RPS3: variants seen among roughly 807,000 people sequenced by gnomAD.
RPS3 encodes the protein ribosomal protein S3, also known as small ribosomal subunit protein uS3.
In RPS3, 2 loss-of-function variants were observed where a neutral mutation model predicts 25.8. The ratio of observed to expected loss-of-function variants is 0.08; its 90% confidence interval spans 0.03 to 0.24. The LOEUF is 0.24. Ranked by LOEUF, RPS3 falls within the 10% of genes least tolerant of loss-of-function variation. The pLI is 1.00. For synonymous variants in RPS3, 114 were observed against 114.2 expected (o/e 1.00, Z 0.01); for missense variants, 107 against 307.1 (o/e 0.35, Z 4.87).
At chr11:75,410,235 G>A (rs1222135357), downstream of RPS3, among the ~76,000 whole-genome samples, 1 of 151,728 alleles carries the variant, frequency 6.6e-6, no homozygotes, top group Non-Finnish European at 1.5e-5. Flanking sequence ...TCCCAGACGG[G>A]GTGGCTGCTG....
rs745637925 is a variant in RPS3, at chr11:75,399,542, G to A, written c.-6G>A. On this transcript the variant is annotated 5_prime_UTR_variant, in exon 1 of 7. Transcript: ENST00000531188. Reference sequence around the variant, plus strand: ...TCCTTTCCTTTCAGCGGAGCGCGGCGGCAAGATGGCAGTGCAAATATCCAA... The same window carrying A: ...TCCTTTCCTTTCAGCGGAGCGCGGCAGCAAGATGGCAGTGCAAATATCCAA... 2.5e-6 allele frequency: 4 copies of A among 1,613,942 alleles called. No individual in the cohort carries two copies. The highest frequency in any genetic ancestry group is 3.3e-5 in the Admixed American group (2 of 60,018).
At position 75,406,292 on chromosome 11, in the gene RPS3, T is replaced by C. The variant is rs1268262368; in HGVS notation, c.*682T>C. ...TTGAAGTATTTTCTACCAGTGTCTG[T>C]ACTTCACAAGAAATTCGGCACTATT... On this transcript the variant is annotated 3_prime_UTR_variant, in exon 7 of 7. Transcript: ENST00000531188. 1 of 152,248 alleles carries C rather than the reference T, an allele frequency of 6.6e-6. No homozygotes were observed. The highest frequency in any genetic ancestry group is 1.5e-5 in the Non-Finnish European group (1 of 68,040). 9.4% of individuals were successfully genotyped at this position (152,248 alleles called of 1,614,324 possible). A position where few individuals can be genotyped will look rare whatever the true frequency, so the allele number is the denominator to read the frequency against.
At chr11:75,410,147 C>G (rs1364533089), downstream of RPS3, among the ~76,000 whole-genome samples, 3 of 148,828 alleles carry the variant, frequency 2.0e-5, no homozygotes, top group African/African-American at 7.6e-5. Flanking sequence ...CCGGACGGGG[C>G]GGCTGGCCGG....
chr11:75,421,564 C>A (rs1592035680), intron 6 of RPS3, among the ~76,000 whole-genome samples: 1 of 152,202 alleles, frequency 6.6e-6, no homozygotes, highest in Non-Finnish European at 1.5e-5. Context: ...GGGGCTTGTG[C>A]CCCCATTGAC....
intron 6 of RPS3, among the ~76,000 whole-genome samples, chr11:75,413,221 A>G (rs1183226010): frequency 1.3e-5 from 2 of 148,970 alleles, no homozygotes; most frequent in African/African-American, 2.5e-5. Context: ...TTTCTTGTAT[A>G]TATGTGTGTG....
At position 75,404,743 on chromosome 11, in the gene RPS3, C is replaced by T. The variant is rs1223347178; in HGVS notation, c.610C>T (p.Leu204=). The T allele has an allele frequency of 6.2e-7, 1 of 1,613,462 alleles. No individual in the cohort carries two copies. Among genetic ancestry groups the T allele is most frequent in the Non-Finnish European group, 8.5e-7 (1 of 1,180,026 alleles). ...TGGTAAGATTGGCCCTAAGAAGCCC[C>T]TGCCTGACCACGTGAGCATTGTGGA... The part of the protein sequence containing the change: ...PTGKIGPKKP[L]PDHVSIVEPK... The change falls in exon 6 of 7, where the codon CTG becomes TTG. Residue 204 remains leucine, a synonymous_variant. Coordinates refer to ENST00000531188, the MANE Select transcript of RPS3 (RefSeq NM_001005.5). This position sits in a 1 kb window ranked among gnomAD's most constrained non-coding sequence, Gnocchi z 4.6.
chr11:75,399,625 C>G, intron 1 of RPS3, 48 bp downstream of exon 1: 2 of 1,579,668 alleles, frequency 1.3e-6, no homozygotes, highest in Non-Finnish European at 1.7e-6. Context: ...CCGCGCGGGT[C>G]GAGGGCTTCT....
intron 6 of RPS3, among the ~76,000 whole-genome samples, chr11:75,416,560 G>A (rs1245925628): frequency 6.7e-6 from 1 of 149,068 alleles, no homozygotes; most frequent in Non-Finnish European, 1.5e-5. Context: ...CTGGGTTCAA[G>A]TGATTCTCAT....
At chr11:75,399,843 C>T (rs1948178146) in intron 1 of RPS3, 2 of 545,144 alleles carry the variant, frequency 3.7e-6, no homozygotes, top group South Asian at 4.8e-5. Context: ...GAGCATTTGT[C>T]GGTCAACGGA....
intron 3 of RPS3, 23 bp from the exon 4 acceptor site, chr11:75,402,329 G>A (rs1197755681): frequency 6.2e-7 from 1 of 1,611,304 alleles, no homozygotes; most frequent in Non-Finnish European, 8.5e-7. Context: ...ATGGTAACAG[G>A]ATATCCCTTG....
Position 75,399,576 on chromosome 11 carries a change from A to G in RPS3, c.29A>G (p.Lys10Arg). Residue 10 changes from lysine (K) to arginine (R), a missense_variant and splice_region_variant, in exon 1 of 7, where the codon AAG (lysine) becomes AGG (arginine). By Grantham distance (26) the Lys-to-Arg change is conservative. Around this residue, in one of 2 missense-constraint regions of RPS3, gnomAD observed 26 missense variants for 20.4 expected, o/e 1.28. Transcript: ENST00000531188. Reference sequence around the variant, plus strand: ...GCAGTGCAAATATCCAAGAAGAGGAAGGTGAGCCTCTGGGGACTGGGTTCG... The same window carrying G: ...GCAGTGCAAATATCCAAGAAGAGGAGGGTGAGCCTCTGGGGACTGGGTTCG... The part of the protein sequence containing the change: MAVQISKKR[K>R]FVADGIFKAE... 6.2e-7 allele frequency: 1 copy of G among 1,613,424 alleles called. No individual in the cohort carries two copies.
chr11:75,417,278 T>C (rs1207078405), intron 6 of RPS3, among the ~76,000 whole-genome samples: 2 of 152,064 alleles, frequency 1.3e-5, no homozygotes, highest in African/African-American at 2.4e-5. Flanking sequence ...AAGATCAACC[T>C]GGGCAACATA....
chr11:75,417,409 C>G (rs1331649924), intron 6 of RPS3, among the ~76,000 whole-genome samples: 1 of 152,142 alleles, frequency 6.6e-6, no homozygotes, highest in East Asian at 1.9e-4. Flanking sequence ...TCCTGGCTAA[C>G]ACGGTAAAAC....
intron 3 of RPS3, 34 bp downstream of exon 3, chr11:75,401,767 C>T: frequency 8.4e-7 from 1 of 1,184,712 alleles, no homozygotes; most frequent in Non-Finnish European, 1.3e-6. Flanking sequence ...GAGGTAATGG[C>T]TCTTCAGAAT....
At chr11:75,415,178 G>A (rs1479409586) in intron 6 of RPS3, among the ~76,000 whole-genome samples, 5 of 152,210 alleles carry the variant, frequency 3.3e-5, no homozygotes, top group African/African-American at 7.2e-5. Context: ...CTTGAGATGC[G>A]GGGAGAAGCT....
In RPS3 at chr11:75,406,517, C is replaced by T. The variant is rs896906318; in HGVS notation, c.*907C>T. The T allele has an allele frequency of 7.9e-5, 12 of 152,218 alleles. No individual in the cohort carries two copies. The highest frequency in any genetic ancestry group is 2.9e-4 in the African/African-American group (12 of 41,456). 9.4% of individuals were successfully genotyped at this position (152,218 alleles called of 1,614,324 possible). A position where few individuals can be genotyped will look rare whatever the true frequency, so the allele number is the denominator to read the frequency against. ...GGTGCTGTGATGATTTGGTTTTCTTCTCAATTAGACTGAGCTGCACATGGT... is the reference window on the plus strand; with the variant it reads ...GGTGCTGTGATGATTTGGTTTTCTTTTCAATTAGACTGAGCTGCACATGGT... On this transcript the variant is annotated 3_prime_UTR_variant, in exon 7 of 7. Transcript: ENST00000531188.
At chr11:75,410,963 G>A (rs911190009), downstream of RPS3, among the ~76,000 whole-genome samples, 5 of 151,688 alleles carry the variant, frequency 3.3e-5, no homozygotes, top group South Asian at 2.1e-4. Flanking sequence ...TGCAAGCTCC[G>A]CCTCCCAGGT....
intron 2 of RPS3, among the ~76,000 whole-genome samples, chr11:75,401,123 C>A (rs1267844738): frequency 6.6e-6 from 1 of 152,162 alleles, no homozygotes; most frequent in Non-Finnish European, 1.5e-5. Context: ...ACCTCGTGAT[C>A]CGCCTGCCTC....
At chr11:75,407,898 T>C (rs1948304800), downstream of RPS3, among the ~76,000 whole-genome samples, 1 of 152,198 alleles carries the variant, frequency 6.6e-6, no homozygotes, top group African/African-American at 2.4e-5. Flanking sequence ...GAGAAGTTAG[T>C]GCTGTTAATT....
Sources: allele counts gnomAD v4.1 joint callset (sites outside exome capture counted in the v4.1 genomes callset), GRCh38; gene constraint gnomAD v4.1.1; regional missense constraint gnomAD v4.1.1; non-coding constraint Gnocchi (gnomAD v3.1); transcripts MANE v1.5; gene names NCBI Gene and HGNC (gene_info 2026-07-23, HGNC 2026-07-21).